The following PTPRD variants were observed in gnomAD, a reference collection of about 807,000 sequenced individuals.
PTPRD encodes the protein receptor-type tyrosine-protein phosphatase delta.
A neutral mutation model predicts 214.5 loss-of-function variants in PTPRD; 34 were observed. That is an observed-to-expected ratio of 0.16 (90% CI 0.12 to 0.21). The LOEUF (loss-of-function observed/expected upper bound fraction) is 0.21. Among genes scored for constraint, PTPRD ranks in the 10% least tolerant of loss-of-function variants. The pLI is 1.00. For missense variants in PTPRD, 2,545 were observed against 2,398.7 expected (o/e 1.06, Z -1.27); for synonymous variants, 1,128 against 845.7 (o/e 1.33, Z -5.79).
At chr9:10,144,054 T>C (rs1298889755) in intron 3 of PTPRD, among the ~76,000 whole-genome samples, 1 of 151,800 alleles carries the variant, frequency 6.6e-6, no homozygotes, top group Non-Finnish European at 1.5e-5. Context: ...GATTCTAAAG[T>C]TGAAAAAATG....
chr9:9,319,954 G>A (rs1018220473), intron 9 of PTPRD, among the ~76,000 whole-genome samples: 2 of 152,020 alleles, frequency 1.3e-5, no homozygotes, highest in South Asian at 4.1e-4. Context: ...AATAGTAGTG[G>A]CATTTTCACT....
At chr9:10,487,252 C>T (rs1325085866) in intron 2 of PTPRD, among the ~76,000 whole-genome samples, 2 of 151,878 alleles carry the variant, frequency 1.3e-5, no homozygotes, top group African/African-American at 2.4e-5. Flanking sequence ...TCCATTTGAC[C>T]ACTCTGTTTT....
chr9:9,601,647 G>A (rs1451757016), intron 7 of PTPRD, among the ~76,000 whole-genome samples: 1 of 151,980 alleles, frequency 6.6e-6, no homozygotes, highest in Non-Finnish European at 1.5e-5. Flanking sequence ...CAAGATATAT[G>A]CAGTCATCAT....
chr9:10,398,199 C>A (rs139976232), intron 2 of PTPRD, among the ~76,000 whole-genome samples: 2 of 151,352 alleles, frequency 1.3e-5, no homozygotes, highest in Non-Finnish European at 2.9e-5. Flanking sequence ...GACAACACAG[C>A]GAGACCCTGT....
At chr9:9,659,178 A>G (rs1241862262) in intron 7 of PTPRD, among the ~76,000 whole-genome samples, 1 of 152,094 alleles carries the variant, frequency 6.6e-6, no homozygotes, top group Admixed American at 6.6e-5. Flanking sequence ...AGTGAGGTGG[A>G]ATATCACTTC....
intron 4 of PTPRD, among the ~76,000 whole-genome samples, chr9:9,969,268 C>G (rs974142662): frequency 6.6e-6 from 1 of 152,122 alleles, no homozygotes; most frequent in Admixed American, 6.5e-5. Context: ...CAGGGATAGT[C>G]TAGTGGGAGA....
chr9:10,032,087 G>A (rs1019088740), intron 4 of PTPRD, among the ~76,000 whole-genome samples: 2 of 152,246 alleles, frequency 1.3e-5, no homozygotes, highest in South Asian at 4.1e-4. Context: ...GCTACTATTG[G>A]AAGGAGTAGG....
At chr9:10,388,421 T>TC (rs2154488860) in intron 2 of PTPRD, among the ~76,000 whole-genome samples, 1 of 151,226 alleles carries the variant, frequency 6.6e-6, no homozygotes, top group East Asian at 2.0e-4. Context: ...AAGGAGAGGC[T>TC]TGACTATAGT....
chr9:8,572,088 G>A (rs888653022), intron 14 of PTPRD, among the ~76,000 whole-genome samples: 2 of 152,072 alleles, frequency 1.3e-5, no homozygotes, highest in African/African-American at 4.8e-5. Flanking sequence ...ACGTAATTTA[G>A]AAATATATTC....
intron 14 of PTPRD, among the ~76,000 whole-genome samples, chr9:8,604,879 G>A (rs1427479084): frequency 6.6e-6 from 1 of 152,148 alleles, no homozygotes; most frequent in Non-Finnish European, 1.5e-5. Context: ...AACATGTATA[G>A]CCTGAGATTA....
intron 2 of PTPRD, among the ~76,000 whole-genome samples, chr9:10,494,972 T>C (rs1302765229): frequency 2.6e-5 from 4 of 151,752 alleles, no homozygotes; most frequent in African/African-American, 9.7e-5. Context: ...TAAAAATCTG[T>C]CTTAACATAA....
intron 44 of PTPRD, among the ~76,000 whole-genome samples, chr9:8,330,022 C>A (rs1049148676): frequency 1.3e-5 from 2 of 152,040 alleles, no homozygotes; most frequent in African/African-American, 4.8e-5. Context: ...TGGAGGGAAT[C>A]TCCTGGTTTA....
chr9:9,596,524 A>G (rs2093363881), intron 7 of PTPRD, among the ~76,000 whole-genome samples: 1 of 151,986 alleles, frequency 6.6e-6, no homozygotes, highest in Non-Finnish European at 1.5e-5. Context: ...CATCACTATC[A>G]TCTGATATAT....
intron 5 of PTPRD, among the ~76,000 whole-genome samples, chr9:9,916,719 A>C (rs907099574): frequency 6.6e-6 from 1 of 152,048 alleles, no homozygotes; most frequent in Admixed American, 6.5e-5. Context: ...TTTAAACTTC[A>C]CCATAGAACA....
intron 8 of PTPRD, among the ~76,000 whole-genome samples, chr9:9,470,298 C>A (rs1480669211): frequency 1.3e-5 from 2 of 152,118 alleles, no homozygotes; most frequent in Non-Finnish European, 2.9e-5. Flanking sequence ...GTTTCTGAAA[C>A]CTACCATCTT....
chr9:9,205,704 T>C (rs1311631871), intron 9 of PTPRD, among the ~76,000 whole-genome samples: 1 of 152,220 alleles, frequency 6.6e-6, no homozygotes, highest in Non-Finnish European at 1.5e-5. Context: ...AATTGCCAAG[T>C]CAATACAGTA....
In PTPRD at chr9:10,508,317, G is replaced by A. The variant is rs1004797532; in HGVS notation, c.-600+104081C>T. On this transcript the variant is annotated intron_variant, in intron 2 of 45. Transcript: ENST00000381196. ...AACAACAGGTGCTGGAGAGGATGTGGAGAAATAGGAACACTTTTACACTGT... is the reference window on the plus strand; with the variant it reads ...AACAACAGGTGCTGGAGAGGATGTGAAGAAATAGGAACACTTTTACACTGT... 3.9e-5 allele frequency among the ~76,000 whole-genome samples: 6 copies of A among 152,140 alleles called. No individual in the cohort carries two copies. In the South Asian group the frequency reaches 6.2e-4, roughly 16 times the overall value.
chr9:9,706,579 A>G (rs1016397282), intron 7 of PTPRD, among the ~76,000 whole-genome samples: 2 of 151,964 alleles, frequency 1.3e-5, no homozygotes, highest in African/African-American at 4.8e-5. Context: ...AGATGGGACT[A>G]CAGTTGTGTG....
chr9:9,204,530 A>G (rs929898272), intron 9 of PTPRD, among the ~76,000 whole-genome samples: 6 of 152,172 alleles, frequency 3.9e-5, no homozygotes, highest in African/African-American at 1.4e-4. Flanking sequence ...AGGAACACTC[A>G]CGAGTCCTTT....
Sources: allele counts gnomAD v4.1 joint callset (sites outside exome capture counted in the v4.1 genomes callset), GRCh38; gene constraint gnomAD v4.1.1; transcripts MANE v1.5; gene names NCBI Gene and HGNC (gene_info 2026-07-23, HGNC 2026-07-21).